Variants in MYO5B observed in about 807,000 individuals in gnomAD.
MYO5B encodes unconventional myosin-Vb.
Under a neutral mutation model 229.3 loss-of-function variants are expected in MYO5B, and 143 were observed. The observed-to-expected ratio is 0.62, with a 90% CI of 0.54 to 0.72. The LOEUF is 0.72. MYO5B is among the 30% of genes least tolerant of loss of function. The pLI, the probability that MYO5B is intolerant of heterozygous loss-of-function variation, is 0.00. For missense variants in MYO5B, 2,321 were observed against 2,331.0 expected, an observed-to-expected ratio of 1.00 and a Z score of 0.09; for synonymous variants, 918 against 885.2, an observed-to-expected ratio of 1.04 and a Z score of -0.66.
At chr18:49,830,408 T>C (rs908049880) in intron 39 of MYO5B, among the ~76,000 whole-genome samples, 1 of 152,172 alleles carries the variant, frequency 6.6e-6, no homozygotes, top group African/African-American at 2.4e-5. Context: ...ACTAGAAGAC[T>C]TAAGATGACA....
chr18:49,923,980 C>T (rs2025102926), intron 17 of MYO5B, among the ~76,000 whole-genome samples: 1 of 152,190 alleles, frequency 6.6e-6, no homozygotes, highest in Non-Finnish European at 1.5e-5. Flanking sequence ...CTGTACAGCA[C>T]AGGATGGTTG....
intron 4 of MYO5B, among the ~76,000 whole-genome samples, chr18:50,009,119 T>C (rs1482830145): frequency 6.6e-6 from 1 of 152,206 alleles, no homozygotes; most frequent in Non-Finnish European, 1.5e-5. Context: ...GGCTCACGTC[T>C]GTAATCACAG....
intron 17 of MYO5B, among the ~76,000 whole-genome samples, chr18:49,926,226 A>T (rs183024415): frequency 6.6e-6 from 1 of 152,224 alleles, no homozygotes; most frequent in South Asian, 2.1e-4. Flanking sequence ...TGTACTTTCC[A>T]GGTCAAATGT....
chr18:50,036,966 A>G lies in MYO5B; in HGVS notation c.339T>C (p.Tyr113=), dbSNP rs376716842. 4.5e-5 allele frequency: 73 copies of G among 1,614,206 alleles called. No individual in the cohort carries two copies. In the African/African-American group the frequency reaches 7.3e-4, roughly 16 times the overall value. Residue 113 remains tyrosine (Y), a synonymous_variant, in exon 4 of 40, where the codon TAT becomes TAC. Coordinates refer to ENST00000285039, the MANE Select transcript of MYO5B (RefSeq NM_001080467.3). ...CGIVLVAINP[Y]EQLPIYGQDV... Reference sequence around the variant, plus strand: ...CTTGTCCATAGATTGGCAACTGTTCATAAGGATTAATGGCAACAAGTACGA... The same window carrying G: ...CTTGTCCATAGATTGGCAACTGTTCGTAAGGATTAATGGCAACAAGTACGA...
At chr18:50,092,598 C>T (rs757638044) in intron 1 of MYO5B, among the ~76,000 whole-genome samples, 2 of 152,124 alleles carry the variant, frequency 1.3e-5, no homozygotes, top group Non-Finnish European at 2.9e-5. Flanking sequence ...CCAGAAACCA[C>T]GGGGGTTCCT....
chr18:49,955,775 A>G (rs2025486050), intron 12 of MYO5B, among the ~76,000 whole-genome samples: 2 of 152,222 alleles, frequency 1.3e-5, no homozygotes, highest in African/African-American at 2.4e-5. Context: ...CTTTCCATAT[A>G]TACTGTTTTA....
chr18:49,934,610 C>A (rs12962880), intron 16 of MYO5B, among the ~76,000 whole-genome samples: 23,422 of 152,206 alleles, frequency 0.15, 2,213 homozygotes, highest in Middle Eastern at 0.27. Context: ...GCCCTTCACA[C>A]AGAATCTGAG....
chr18:49,857,238 G>C (rs1276657888), intron 29 of MYO5B, among the ~76,000 whole-genome samples: 1 of 152,218 alleles, frequency 6.6e-6, no homozygotes, highest in Non-Finnish European at 1.5e-5. Context: ...TAGTGTGGAA[G>C]CATTCACATA....
chr18:50,190,263 A>G (rs962154444), intron 1 of MYO5B, among the ~76,000 whole-genome samples: 1 of 152,220 alleles, frequency 6.6e-6, no homozygotes, highest in African/African-American at 2.4e-5. Flanking sequence ...ACTATCTGCA[A>G]TCATCATGAT....
At chr18:49,960,329 C>A (rs559006973) in intron 12 of MYO5B, among the ~76,000 whole-genome samples, 1 of 152,288 alleles carries the variant, frequency 6.6e-6, no homozygotes, top group South Asian at 2.1e-4. Flanking sequence ...GAAGAAAGGA[C>A]GTGTCTGAGG....
intron 1 of MYO5B, among the ~76,000 whole-genome samples, chr18:50,117,987 T>A (rs2031993705): frequency 6.6e-6 from 1 of 152,124 alleles, no homozygotes; most frequent in Admixed American, 6.5e-5. Context: ...AGATTTCACA[T>A]GGAAGTGAAA....
intron 1 of MYO5B, among the ~76,000 whole-genome samples, chr18:50,147,390 C>T (rs1345620734): frequency 6.6e-6 from 1 of 152,252 alleles, no homozygotes; most frequent in Admixed American, 6.5e-5. Flanking sequence ...ACCTGAATTA[C>T]TGCAGTGACC....
chr18:49,967,403 T>C (rs536824869), intron 10 of MYO5B, among the ~76,000 whole-genome samples: 42 of 152,274 alleles, frequency 2.8e-4, no homozygotes, highest in South Asian at 1.0e-3. Flanking sequence ...GTGAGATGCT[T>C]TGAAGATTGG....
chr18:49,882,639 AAAG>A (rs1304098352), intron 22 of MYO5B, among the ~76,000 whole-genome samples: 8 of 150,682 alleles, frequency 5.3e-5, no homozygotes, highest in African/African-American at 2.0e-4. Flanking sequence ...AAAAAAAAAA[AAAG>A]AAAGAGGAAA....
chr18:50,131,728 GA>G (rs2032257369), intron 1 of MYO5B, among the ~76,000 whole-genome samples: 1 of 152,216 alleles, frequency 6.6e-6, no homozygotes, highest in East Asian at 1.9e-4. Context: ...TGAGATCAGT[GA>G]AAAAGCTCAT....
At chr18:50,150,837 A>T (rs1046833708) in intron 1 of MYO5B, among the ~76,000 whole-genome samples, 1 of 151,576 alleles carries the variant, frequency 6.6e-6, no homozygotes, top group African/African-American at 2.4e-5. Flanking sequence ...GTATAATAAT[A>T]AAAAAAAAGA....
intron 1 of MYO5B, among the ~76,000 whole-genome samples, chr18:50,111,410 G>A (rs1194353857): frequency 6.6e-6 from 1 of 152,210 alleles, no homozygotes; most frequent in African/African-American, 2.4e-5. Context: ...ACACACCCAT[G>A]TCAAGATTAT....
chr18:50,021,015 C>G (rs2026267615), intron 4 of MYO5B, among the ~76,000 whole-genome samples: 1 of 152,188 alleles, frequency 6.6e-6, no homozygotes, highest in African/African-American at 2.4e-5. Flanking sequence ...ATGGAGCACA[C>G]AGAGTGTGCA....
intron 1 of MYO5B, among the ~76,000 whole-genome samples, chr18:50,133,411 T>C (rs776204644): frequency 1.3e-5 from 2 of 152,140 alleles, no homozygotes; most frequent in Non-Finnish European, 2.9e-5. Flanking sequence ...TATTCCAAAG[T>C]ATTAAAAGAA....
Sources: gnomAD v4.1 joint callset for allele counts (sites outside exome capture counted in the v4.1 genomes callset) on GRCh38, gnomAD v4.1.1 for gene constraint, MANE v1.5 for transcripts, NCBI Gene and HGNC (gene_info 2026-07-23, HGNC 2026-07-21) for gene names.